The following RBM41 variants were observed in gnomAD, a reference collection of about 807,000 sequenced individuals.
RBM41 encodes RNA-binding protein 41.
Under a neutral mutation model 30.8 loss-of-function variants are expected in RBM41, and 14 were observed. That is an observed-to-expected ratio of 0.45 (90% CI 0.30 to 0.71). RBM41 has a LOEUF of 0.71. Ranked by LOEUF, RBM41 falls within the 30% of genes least tolerant of loss-of-function variation. RBM41 has a pLI of 0.08. For synonymous variants in RBM41, 120 were observed against 110.1 expected, an observed-to-expected ratio of 1.09 and a Z score of -0.56; for missense variants, 276 against 326.3, an observed-to-expected ratio of 0.85 and a Z score of 1.19.
chrX:107,060,507 T>C (rs374146600), downstream of RBM41, among the ~76,000 whole-genome samples: 1 of 111,194 alleles, frequency 9.0e-6, no homozygotes, highest in South Asian at 3.8e-4. Flanking sequence ...CAACAAAGTA[T>C]CATCTTGGAA....
At chrX:107,094,736 T>G (rs1286634947) in intron 5 of RBM41, among the ~76,000 whole-genome samples, 1 of 110,892 alleles carries the variant, frequency 9.0e-6, no homozygotes, top group Non-Finnish European at 1.9e-5. Context: ...AGCAAGAAGG[T>G]CAGAGACAGA....
intron 5 of RBM41, among the ~76,000 whole-genome samples, chrX:107,100,436 G>A (rs1274582318): frequency 9.2e-6 from 1 of 108,282 alleles, no homozygotes; most frequent in Admixed American, 9.9e-5. Flanking sequence ...AGGTTGCAGT[G>A]AGCTGAAATC....
intron 5 of RBM41, among the ~76,000 whole-genome samples, chrX:107,095,811 G>A (rs1421394327): frequency 9.1e-6 from 1 of 110,320 alleles, no homozygotes; most frequent in Non-Finnish European, 1.9e-5. Context: ...CCAGGAGTTT[G>A]AGACCAGCCT....
intron 5 of RBM41, among the ~76,000 whole-genome samples, chrX:107,103,276 A>C (rs1295907092): frequency 9.0e-6 from 1 of 111,358 alleles, no homozygotes; most frequent in Admixed American, 9.6e-5. Flanking sequence ...TAGTTAAATT[A>C]AGATGAAGTA....
intron 5 of RBM41, among the ~76,000 whole-genome samples, chrX:107,092,997 G>C (rs1387461837): frequency 1.8e-5 from 2 of 111,767 alleles, no homozygotes; most frequent in Non-Finnish European, 3.8e-5. Flanking sequence ...TAAAATTCTG[G>C]TACGTTTATA....
chrX:107,080,438 C>T (rs1381113439), intron 6 of RBM41, among the ~76,000 whole-genome samples: 1 of 110,980 alleles, frequency 9.0e-6, no homozygotes, highest in East Asian at 2.8e-4. Flanking sequence ...ACTAGCTGGG[C>T]GTGGTGGCTC....
intron 5 of RBM41, among the ~76,000 whole-genome samples, chrX:107,105,714 C>CAT (rs753015065): frequency 6.3e-5 from 7 of 111,205 alleles, no homozygotes; most frequent in Non-Finnish European, 1.3e-4. Context: ...AATAATGCCG[C>CAT]ATATCTACAA....
chrX:107,100,721 C>T (rs1000955463), intron 5 of RBM41, among the ~76,000 whole-genome samples: 1 of 110,630 alleles, frequency 9.0e-6, no homozygotes, highest in Non-Finnish European at 1.9e-5. Context: ...ACAATGTGAA[C>T]ACTTCACCAC....
intron 5 of RBM41, among the ~76,000 whole-genome samples, chrX:107,092,506 C>T (rs776026631): frequency 3.6e-5 from 4 of 111,335 alleles, no homozygotes; most frequent in Admixed American, 2.9e-4. Flanking sequence ...ACTTGGGAGG[C>T]TGAGGCAGGA....
At chrX:107,057,718 T>C (rs1014850238), downstream of RBM41, among the ~76,000 whole-genome samples, 1 of 111,876 alleles carries the variant, frequency 8.9e-6, no homozygotes, top group Admixed American at 9.5e-5. Flanking sequence ...AGCAAACAAA[T>C]GGGATTATAT....
intron 1 of RBM41, among the ~76,000 whole-genome samples, chrX:107,117,819 C>T (rs1925002627): frequency 9.0e-6 from 1 of 111,685 alleles, no homozygotes; most frequent in African/African-American, 3.3e-5. Flanking sequence ...AGGGAAGAGA[C>T]ACAGTAGACT....
rs1256923030 is a variant in RBM41 at position 107,067,336 on chromosome X, CTA to C, written c.*189_*190del. On this transcript the variant is annotated 3_prime_UTR_variant, in exon 8 of 8. Coordinates refer to ENST00000685964, the MANE Select transcript of RBM41 (RefSeq NM_001324242.2). ...CTTCATACTCAGCATATCATCTGTC[CTA>C]TATAGTCTTCAATTATATAATAGAA... The C allele has an allele frequency of 6.3e-5, 64 of 1,023,225 alleles. 1 individual carries two copies. Among genetic ancestry groups the C allele is most frequent in the Non-Finnish European group, 3.7e-6 (3 of 800,572 alleles). 84.3% of individuals were successfully genotyped at this position (1,023,225 alleles called of 1,213,427 possible).
intron 7 of RBM41, among the ~76,000 whole-genome samples, chrX:107,068,069 A>G (rs1233725601): frequency 1.8e-5 from 2 of 111,799 alleles, no homozygotes; most frequent in Non-Finnish European, 3.8e-5. Context: ...GAGTAACACA[A>G]AAGAAGTTAT....
chrX:107,064,077 G>A lies in RBM41; in HGVS notation c.*3450C>T, dbSNP rs1008691662. On this transcript the variant is annotated 3_prime_UTR_variant, in exon 8 of 8. Coordinates refer to ENST00000685964, the MANE Select transcript of RBM41 (RefSeq NM_001324242.2). ...CGCCATTCTCCTGCCTCAGCCTCCCGAGTAGCTGGGACTACAGGTGCCCAC... is the reference window on the plus strand; with the variant it reads ...CGCCATTCTCCTGCCTCAGCCTCCCAAGTAGCTGGGACTACAGGTGCCCAC... 1.5e-4 allele frequency among the ~76,000 whole-genome samples: 16 copies of A among 106,226 alleles called. No individual in the cohort carries two copies. Among genetic ancestry groups the A allele is most frequent in the African/African-American group, 2.7e-4 (8 of 29,094 alleles). The allele number at this position is 106,226 out of a possible 115,157, so 92.2% of individuals were successfully genotyped here. A position where few individuals can be genotyped will look rare whatever the true frequency, so the allele number is the denominator to read the frequency against.
downstream of RBM41, among the ~76,000 whole-genome samples, chrX:107,058,825 A>G (rs1239629118): frequency 1.8e-5 from 2 of 110,935 alleles, no homozygotes; most frequent in Non-Finnish European, 3.8e-5. Context: ...TCCGGTGAGG[A>G]CCCTCTTCCA....
chrX:107,076,179 C>T (rs888878332), intron 6 of RBM41, among the ~76,000 whole-genome samples: 1 of 108,689 alleles, frequency 9.2e-6, no homozygotes, highest in Non-Finnish European at 1.9e-5. Context: ...TAGCTGGGTG[C>T]GTTGGTGGGT....
intron 6 of RBM41, among the ~76,000 whole-genome samples, chrX:107,087,737 G>C (rs1288293587): frequency 9.0e-6 from 1 of 111,434 alleles, no homozygotes; most frequent in African/African-American, 3.3e-5. Flanking sequence ...TCCACAAGCT[G>C]GGATTACAGG....
At chrX:107,077,776 T>C (rs1387346239) in intron 6 of RBM41, among the ~76,000 whole-genome samples, 1 of 111,750 alleles carries the variant, frequency 8.9e-6, no homozygotes, top group African/African-American at 3.3e-5. Context: ...ATAAACAATA[T>C]GCATTCTTCT....
chrX:107,106,495 T>A (rs965205299), intron 5 of RBM41, among the ~76,000 whole-genome samples: 2 of 111,415 alleles, frequency 1.8e-5, no homozygotes, highest in Non-Finnish European at 3.8e-5. Flanking sequence ...GAAATACCAT[T>A]TGACCCAGCA....
Sources: gnomAD v4.1 joint callset for allele counts (sites outside exome capture counted in the v4.1 genomes callset) on GRCh38, gnomAD v4.1.1 for gene constraint, MANE v1.5 for transcripts, NCBI Gene and HGNC (gene_info 2026-07-23, HGNC 2026-07-21) for gene names.